The following CHLSN variants were observed in gnomAD, a reference collection of about 807,000 sequenced individuals.
CHLSN encodes protein cholesin.
chr7:1,008,276 A>G, the CHLSN span, among the ~76,000 whole-genome samples: 2 of 152,170 alleles, frequency 1.3e-5, no homozygotes, highest in Non-Finnish European at 2.9e-5. Flanking sequence ...GAGACGCTGC[A>G]CTAACGGCCT....
At chr7:1,094,362 G>C in the CHLSN span, among the ~76,000 whole-genome samples, 2 of 152,232 alleles carry the variant, frequency 1.3e-5, no homozygotes, top group African/African-American at 4.8e-5. Context: ...TGGGTGAAGG[G>C]AACTAGCCAC....
the CHLSN span, chr7:988,673 G>A: frequency 3.2e-5 from 52 of 1,600,628 alleles, no homozygotes; most frequent in Non-Finnish European, 4.0e-5. Flanking sequence ...GGCCAGGACC[G>A]AGCTCTTCCT....
chr7:1,047,169 C>G, the CHLSN span, among the ~76,000 whole-genome samples: 1 of 152,230 alleles, frequency 6.6e-6, no homozygotes, highest in Non-Finnish European at 1.5e-5. Flanking sequence ...CCACCTTCCT[C>G]CAGGGAACTG....
the CHLSN span, among the ~76,000 whole-genome samples, chr7:1,054,374 G>A: frequency 6.6e-6 from 1 of 152,202 alleles, no homozygotes; most frequent in Non-Finnish European, 1.5e-5. Flanking sequence ...AAATCCTTCA[G>A]TATTTGTCAG....
At chr7:1,053,342 C>T in the CHLSN span, among the ~76,000 whole-genome samples, 1 of 152,328 alleles carries the variant, frequency 6.6e-6, no homozygotes, top group African/African-American at 2.4e-5. Flanking sequence ...GAGCCCAGAA[C>T]CTTGCGCAGG....
At chr7:1,043,651 G>A in the CHLSN span, 1 of 152,290 alleles carries the variant, frequency 6.6e-6, no homozygotes, top group Non-Finnish European at 1.5e-5. Context: ...CGTGGGCCGT[G>A]GTGAGCCTCT....
At chr7:1,004,516 C>T in the CHLSN span, among the ~76,000 whole-genome samples, 16 of 152,300 alleles carry the variant, frequency 1.1e-4, no homozygotes, top group African/African-American at 3.6e-4. Context: ...ACCAAGGGCG[C>T]CTCTCTCTCA....
At chr7:1,044,275 G>A in the CHLSN span, among the ~76,000 whole-genome samples, 2 of 152,358 alleles carry the variant, frequency 1.3e-5, no homozygotes, top group South Asian at 2.1e-4. Context: ...AAAAGAAACC[G>A]CGCTGGGCAC....
the CHLSN span, among the ~76,000 whole-genome samples, chr7:1,041,268 AAGGGG>A: frequency 6.8e-6 from 1 of 147,606 alleles, no homozygotes; most frequent in Non-Finnish European, 1.5e-5. Context: ...CGCTGCGGGG[AAGGGG>A]ACCTGGGCTC....
At chr7:987,090 GC>G in the CHLSN span, 1 of 1,510,400 alleles carries the variant, frequency 6.6e-7, no homozygotes. Context: ...CACGAGCCCT[GC>G]CCCACGCCTC....
At chr7:1,043,925 G>C in the CHLSN span, 4 of 152,276 alleles carry the variant, frequency 2.6e-5, no homozygotes, top group Admixed American at 6.5e-5. Context: ...AGAATGTGCT[G>C]CAGGGGGGAC....
the CHLSN span, among the ~76,000 whole-genome samples, chr7:1,106,182 C>A: frequency 6.6e-6 from 1 of 152,220 alleles, no homozygotes; most frequent in Non-Finnish European, 1.5e-5. Context: ...CACTGCCCGG[C>A]CGAGCACTCA....
At chr7:1,053,293 C>T in the CHLSN span, among the ~76,000 whole-genome samples, 23 of 152,384 alleles carry the variant, frequency 1.5e-4, no homozygotes, top group East Asian at 3.7e-3. Flanking sequence ...CTCACTCGGA[C>T]GCAGGTGTGG....
the CHLSN span, among the ~76,000 whole-genome samples, chr7:1,070,803 A>G: frequency 3.8e-5 from 5 of 132,954 alleles, no homozygotes; most frequent in African/African-American, 1.3e-4. Flanking sequence ...ACGTGCACAC[A>G]TGCACACACA....
chr7:1,010,104 C>A, the CHLSN span: 1 of 1,612,876 alleles, frequency 6.2e-7, no homozygotes, highest in Non-Finnish European at 8.5e-7. Flanking sequence ...GGGGACAGCT[C>A]TGGCTCTGCG....
the CHLSN span, chr7:989,122 T>G: frequency 4.9e-5 from 18 of 365,600 alleles, no homozygotes; most frequent in Non-Finnish European, 4.9e-5. Context: ...CCCACCCACC[T>G]AGCTCCCCCC....
the CHLSN span, chr7:989,229 C>G: frequency 9.7e-6 from 2 of 206,228 alleles, no homozygotes; most frequent in Non-Finnish European, 2.0e-5. Context: ...AGCGTGCGAG[C>G]CCTGCACCCC....
chr7:1,078,351 G>A, the CHLSN span, among the ~76,000 whole-genome samples: 753 of 91,008 alleles, frequency 8.3e-3, 8 homozygotes, highest in African/African-American at 0.025. Flanking sequence ...CTGCGGGGTG[G>A]GGGGGGGCTC....
chr7:1,125,660 CGCTCAGCACTGAAA>C, the CHLSN span, among the ~76,000 whole-genome samples: 1 of 152,214 alleles, frequency 6.6e-6, no homozygotes, highest in Admixed American at 6.5e-5. Context: ...TCAGCAAGGG[CGCTCAGCACTGAAA>C]TCTGACATGA....
Sources: gnomAD v4.1 joint callset for allele counts (sites outside exome capture counted in the v4.1 genomes callset) on GRCh38, gnomAD v4.1.1 for gene constraint, MANE v1.5 for transcripts, NCBI Gene and HGNC (gene_info 2026-07-23, HGNC 2026-07-21) for gene names.